The following CLEC4M variants were observed in gnomAD, a reference collection of about 807,000 sequenced individuals.
CLEC4M encodes the protein C-type lectin domain family 4 member M.
CLEC4M carries 25 observed loss-of-function variants against 39.1 expected under a neutral mutation model. The ratio of observed to expected loss-of-function variants is 0.64; its 90% CI spans 0.47 to 0.89. The LOEUF is 0.89. Ranked by LOEUF, CLEC4M falls within the 40% of genes least tolerant of loss-of-function variation. The probability of loss-of-function intolerance (pLI) is 0.00; values close to 1 mark genes in which losing one functional copy is unlikely to be tolerated. For synonymous variants in CLEC4M, 155 were observed against 177.4 expected, an observed-to-expected ratio of 0.87 and a Z score of 1.00; for missense variants, 353 against 431.4, an observed-to-expected ratio of 0.82 and a Z score of 1.61.
chr19:7,763,621 G>T (rs1568526325), intron 2 of CLEC4M, 145 bp downstream of exon 2: 2 of 649,136 alleles, frequency 3.1e-6, no homozygotes, highest in Middle Eastern at 7.4e-4. Flanking sequence ...AAGAGGACGG[G>T]GTAGGGATCT....
At position 7,769,060 on chromosome 19, in the gene CLEC4M, T is replaced by C; in HGVS notation, c.*72T>C. ...CACCCACTTGTAAGCCAGCGCTTCT[T>C]CTCTCCATCCTTGGACCTTCACAAA... On this transcript the variant is annotated 3_prime_UTR_variant, in exon 7 of 7. Coordinates refer to ENST00000327325, the MANE Select transcript of CLEC4M (RefSeq NM_014257.5). 1 of 1,496,152 alleles carries C rather than the reference T, an allele frequency of 6.7e-7. No individual in the cohort carries two copies. The highest frequency in any genetic ancestry group is 9.2e-7 in the Non-Finnish European group (1 of 1,089,538). The allele number at this position is 1,496,152 out of a possible 1,614,324, so 92.7% of individuals were successfully genotyped here.
intron 5 of CLEC4M, chr19:7,767,206 G>T: frequency 2.3e-6 from 1 of 432,410 alleles, no homozygotes; most frequent in Non-Finnish European, 4.3e-6. Flanking sequence ...TTAGTAGTGG[G>T]TCCAATGTGG....
At chr19:7,763,848 G>T (rs1292282741) in intron 2 of CLEC4M, among the ~76,000 whole-genome samples, 1 of 151,774 alleles carries the variant, frequency 6.6e-6, no homozygotes, top group Admixed American at 6.6e-5. Flanking sequence ...GGTGAGAACT[G>T]GGGACTGGAA....
At chr19:7,765,311 C>A (rs758300329) in intron 3 of CLEC4M, 43 bp downstream of exon 3, 4 of 1,604,834 alleles carry the variant, frequency 2.5e-6, no homozygotes, top group Non-Finnish European at 3.4e-6. Flanking sequence ...CAGGCCTGGC[C>A]TTTTGGCTAT....
rs551423311 is a variant in CLEC4M at position 7,766,206 on chromosome 19, T to C, written c.783T>C (p.Phe261=). 7.4e-6 allele frequency: 12 copies of C among 1,614,170 alleles called. No homozygotes were observed. The East Asian group carries it at 2.2e-4, about 30-fold the overall frequency. ...AACTGACCGATTTGAAGACTGCATT[T>C]GGTGAGTTCCTGCACATCAAGGGTC... ...YQELTDLKTA[F]ERLCRHCPKD... The change falls in exon 4 of 7, where the codon TTT becomes TTC. Residue 261 remains phenylalanine (F), a splice_region_variant and synonymous_variant. Transcript: ENST00000327325.
At chr19:7,764,517 CT>C (rs754012586) in intron 2 of CLEC4M, among the ~76,000 whole-genome samples, 222 of 151,900 alleles carry the variant, frequency 1.5e-3, no homozygotes, top group Non-Finnish European at 2.8e-3. Context: ...GAGACAGAGT[CT>C]TGCTCTGTCA....
chr19:7,766,819 G>T lies in CLEC4M; in HGVS notation c.936+12G>T. 1 of 1,614,012 alleles carries T rather than the reference G, an allele frequency of 6.2e-7. No homozygotes were observed. Among genetic ancestry groups the T allele is most frequent in the Non-Finnish European group, 8.5e-7 (1 of 1,179,874 alleles). ...CTGCTGAGGAGCAGGTACACGTGGT[G>T]GGGGTCCTCGTCCTGGCCTGGGGCA... On this transcript the variant is annotated intron_variant, in intron 5 of 6. Transcript: ENST00000327325.
At position 7,766,167 on chromosome 19, in the gene CLEC4M, G is replaced by T. The variant is rs1248718510; in HGVS notation, c.744G>T (p.Gln248His). 13 of 1,614,218 alleles carry T rather than the reference G, an allele frequency of 8.1e-6. No individual in the cohort carries two copies. In the South Asian group the frequency reaches 1.1e-4, roughly 14 times the overall value. Residue 248 changes from glutamine to histidine, a missense_variant, in exon 4 of 7, where the codon CAG (glutamine) becomes CAT (histidine). By Grantham distance (24) the Gln-to-His change is conservative (BLOSUM62 0). Around this residue, in one of 4 missense-constraint regions of CLEC4M, gnomAD observed 196 missense variants for 211.7 expected, o/e 0.93. Coordinates refer to ENST00000327325, the MANE Select transcript of CLEC4M (RefSeq NM_014257.5). ...AGTTGCCAGACCAGTCCAAGCAGCAGCAAATCTATCAAGAACTGACCGATT... is the reference window on the plus strand; with the variant it reads ...AGTTGCCAGACCAGTCCAAGCAGCATCAAATCTATCAAGAACTGACCGATT... Reference protein sequence around the residue: ...VGELPDQSKQQQIYQELTDLK... With the variant: ...VGELPDQSKQHQIYQELTDLK...
chr19:7,767,557 C>G lies in CLEC4M; in HGVS notation c.978C>G (p.Ser326=). Residue 326 remains serine, a synonymous_variant, in exon 6 of 7, where the codon TCC becomes TCG. Coordinates refer to ENST00000327325, the MANE Select transcript of CLEC4M (RefSeq NM_014257.5). The stretch of plus-strand genomic sequence containing the variant: ...AGACTTCCAGGAGTAACCGCTTCTC[C>G]TGGATGGGACTTTCAGACCTAAATC... The part of the protein sequence containing the change: ...QLQTSRSNRF[S]WMGLSDLNQE... 2 of 1,614,204 alleles carry G rather than the reference C, an allele frequency of 1.2e-6. No homozygotes were observed. The highest frequency in any genetic ancestry group is 1.7e-6 in the Non-Finnish European group (2 of 1,180,020).
rs2034262431 is a variant in CLEC4M at position 7,766,173 on chromosome 19, C to T, written c.750C>T (p.Ile250=). 4 of 1,614,216 alleles carry T rather than the reference C, an allele frequency of 2.5e-6. No individual in the cohort carries two copies. The East Asian group carries it at 8.9e-5, about 36-fold the overall frequency. The part of the protein sequence containing the change: ...ELPDQSKQQQ[I]YQELTDLKTA... ...CAGACCAGTCCAAGCAGCAGCAAAT[C>T]TATCAAGAACTGACCGATTTGAAGA... The change falls in exon 4 of 7, where the codon ATC becomes ATT. Residue 250 remains isoleucine, a synonymous_variant. Coordinates refer to ENST00000327325, the MANE Select transcript of CLEC4M (RefSeq NM_014257.5).
chr19:7,767,592 C>T lies in CLEC4M; in HGVS notation c.1013C>T (p.Thr338Met), dbSNP rs749117760. The change falls in exon 6 of 7, where the codon ACG (threonine) becomes ATG (methionine). Residue 338 changes from threonine (T) to methionine (M), a missense_variant. By Grantham distance (81) the Thr-to-Met change is moderately conservative. This residue lies in a region of CLEC4M where 196 missense variants were observed against 211.7 expected (regional missense o/e 0.93). Coordinates refer to ENST00000327325, the MANE Select transcript of CLEC4M (RefSeq NM_014257.5). The part of the protein sequence containing the change: ...MGLSDLNQEG[T>M]WQWVDGSPLS... ...CTTTCAGACCTAAATCAGGAAGGCA[C>T]GTGGCAATGGGTGGACGGCTCACCT... 12 of 1,614,000 alleles carry T rather than the reference C, an allele frequency of 7.4e-6. No individual in the cohort carries two copies. Among genetic ancestry groups the T allele is most frequent in the Middle Eastern group, 1.6e-4 (1 of 6,084 alleles).
At chr19:7,766,852 T>C in intron 5 of CLEC4M, 45 bp downstream of exon 5, 1 of 1,613,036 alleles carries the variant, frequency 6.2e-7, no homozygotes, top group Non-Finnish European at 8.5e-7. Context: ...GCATGGCTTC[T>C]GGCCAACTGG....
chr19:7,766,589 G>A (rs1347185173), intron 4 of CLEC4M, 67 bp from the exon 5 acceptor site: 1 of 1,604,494 alleles, frequency 6.2e-7, no homozygotes, highest in Non-Finnish European at 8.5e-7. Flanking sequence ...AGGGCTTGAA[G>A]GCTGGGCAGA....
chr19:7,769,191 G>T lies in CLEC4M; in HGVS notation c.*203G>T. ...TCCCTGGTGTAGAGCTTGTGTTCTTGGCCCATCCTTGGAGCTTTATAAGTG... is the reference window on the plus strand; with the variant it reads ...TCCCTGGTGTAGAGCTTGTGTTCTTTGCCCATCCTTGGAGCTTTATAAGTG... On this transcript the variant is annotated 3_prime_UTR_variant, in exon 7 of 7. Transcript: ENST00000327325. 2 of 518,630 alleles carry T rather than the reference G, an allele frequency of 3.9e-6. No individual in the cohort carries two copies. Among genetic ancestry groups the T allele is most frequent in the South Asian group, 4.6e-5 (2 of 43,708 alleles). 32.1% of individuals were successfully genotyped at this position (518,630 alleles called of 1,614,324 possible). A position where few individuals can be genotyped will look rare whatever the true frequency, so the allele number is the denominator to read the frequency against.
chr19:7,764,444 C>A (rs1268952619), intron 2 of CLEC4M, among the ~76,000 whole-genome samples: 1 of 152,110 alleles, frequency 6.6e-6, no homozygotes, highest in East Asian at 1.9e-4. Flanking sequence ...GAAAAACAGG[C>A]AGTTAATTCT....
rs770083895 is a variant in CLEC4M, at chr19:7,766,714, C to T, written c.843C>T (p.Phe281=). ...DWTFFQGNCY[F]MSNSQRNWHD... ...CATTCTTCCAAGGAAACTGTTACTT[C>T]ATGTCTAACTCCCAGCGGAACTGGC... Residue 281 remains phenylalanine, a synonymous_variant, in exon 5 of 7, where the codon TTC becomes TTT. Transcript: ENST00000327325. 1.1e-5 allele frequency: 17 copies of T among 1,614,124 alleles called. No homozygotes were observed. The highest frequency in any genetic ancestry group is 1.3e-5 in the African/African-American group (1 of 74,948).
chr19:7,765,237 G>A lies in CLEC4M; in HGVS notation c.183G>A (p.Leu61=). The A allele has an allele frequency of 6.2e-7, 1 of 1,614,156 alleles. No individual in the cohort carries two copies. The highest frequency in any genetic ancestry group is 1.1e-5 in the South Asian group (1 of 91,078). The part of the protein sequence containing the change: ...LVLQLLSFML[L]AGVLVAILVQ... ...TGCAACTCCTCTCCTTCATGCTCTT[G>A]GCTGGGGTCCTGGTGGCCATCCTTG... The change falls in exon 3 of 7, where the codon TTG becomes TTA. Residue 61 remains leucine (L), a synonymous_variant. Coordinates refer to ENST00000327325, the MANE Select transcript of CLEC4M (RefSeq NM_014257.5).
chr19:7,768,327 G>T (rs8105492), intron 6 of CLEC4M: 110,053 of 154,600 alleles, frequency 0.71, 39,585 homozygotes, highest in Admixed American at 0.75. Flanking sequence ...TGTAATTCCG[G>T]CACTTTGGGA....
At chr19:7,764,108 T>TTTATTA (rs995306561) in intron 2 of CLEC4M, among the ~76,000 whole-genome samples, 10 of 151,264 alleles carry the variant, frequency 6.6e-5, no homozygotes, top group African/African-American at 2.4e-4. Flanking sequence ...TTGAGGAGGA[T>TTTATTA]TTATTATTAT....
Sources: allele counts gnomAD v4.1 joint callset (sites outside exome capture counted in the v4.1 genomes callset), GRCh38; gene constraint gnomAD v4.1.1; regional missense constraint gnomAD v4.1.1; transcripts MANE v1.5; gene names NCBI Gene and HGNC (gene_info 2026-07-23, HGNC 2026-07-21).